Variants in CHD9 observed in about 807,000 individuals in gnomAD.
CHD9 encodes the protein chromodomain helicase DNA binding protein 9, also known as ATP-dependent chromatin remodeler CHD9.
CHD9 carries 77 observed loss-of-function variants against 316.1 expected under a neutral mutation model. The observed-to-expected ratio is 0.24, with a 90% CI of 0.20 to 0.29. The LOEUF is 0.29. Among genes scored for constraint, CHD9 ranks in the 10% least tolerant of loss-of-function variants. The pLI is 1.00. For synonymous variants in CHD9, 1,129 were observed against 1,158.3 expected, an observed-to-expected ratio of 0.97 and a Z score of 0.51; for missense variants, 2,763 against 3,438.1, an observed-to-expected ratio of 0.80 and a Z score of 4.91.
chr16:53,174,148 G>C (rs572324806), intron 2 of CHD9, among the ~76,000 whole-genome samples: 1 of 152,244 alleles, frequency 6.6e-6, no homozygotes, highest in African/African-American at 2.4e-5. Flanking sequence ...GCTGGGTTTG[G>C]TGGCATGCAC....
rs2053974134 is a variant in CHD9, at chr16:53,287,452, A to G, written c.5190-505A>G. Among the ~76,000 whole-genome samples the G allele has an allele frequency of 2.0e-5, 3 of 152,220 alleles. No homozygotes were observed. The South Asian group carries it at 6.2e-4, about 31-fold the overall frequency. ...CATTTAAAAGCGAACTCGCGGCTGG[A>G]TGCACTTGCTCACGCCTGTAATCCC... On this transcript the variant is annotated intron_variant, in intron 26 of 38. Transcript: ENST00000447540.
chr16:53,266,517 TC>T (rs2051712548), intron 20 of CHD9, among the ~76,000 whole-genome samples: 2 of 152,196 alleles, frequency 1.3e-5, no homozygotes, highest in African/African-American at 4.8e-5. Flanking sequence ...AAGAAGTCTT[TC>T]TAGTATCACT....
chr16:53,096,313 A>G (rs1445593359), intron 1 of CHD9, among the ~76,000 whole-genome samples: 1 of 152,152 alleles, frequency 6.6e-6, no homozygotes, highest in Admixed American at 6.5e-5. Flanking sequence ...TGGGTCGCCA[A>G]TACCCAACAC....
In CHD9 at chr16:53,326,447, G is replaced by T. The variant is rs2057544650; in HGVS notation, c.*1552G>T. 6.6e-6 allele frequency: 1 copy of T among 152,328 alleles called. No homozygotes were observed. Among genetic ancestry groups the T allele is most frequent in the Admixed American group, 6.6e-5 (1 of 15,234 alleles). The allele number at this position is 152,328 out of a possible 1,614,324, so 9.4% of individuals were successfully genotyped here. ...TGTCATGAGTTAGTCAATTGTATCAGGTTTTCCAAGACCTTTACCAGTAAA... is the reference window on the plus strand; with the variant it reads ...TGTCATGAGTTAGTCAATTGTATCATGTTTTCCAAGACCTTTACCAGTAAA... On this transcript the variant is annotated 3_prime_UTR_variant, in exon 39 of 39. Transcript: ENST00000447540.
intron 2 of CHD9, among the ~76,000 whole-genome samples, chr16:53,187,709 T>C (rs904118940): frequency 2.0e-5 from 3 of 152,052 alleles, no homozygotes; most frequent in African/African-American, 7.2e-5. Context: ...TTAAAAGATA[T>C]TGAGGAGGGG....
At chr16:53,098,660 G>C (rs1303571347) in intron 1 of CHD9, among the ~76,000 whole-genome samples, 1 of 152,080 alleles carries the variant, frequency 6.6e-6, no homozygotes, top group Non-Finnish European at 1.5e-5. Flanking sequence ...CAATCAACGC[G>C]AGGCAGGAGG....
At chr16:53,173,017 A>G (rs1179433995) in intron 2 of CHD9, among the ~76,000 whole-genome samples, 1 of 152,018 alleles carries the variant, frequency 6.6e-6, no homozygotes, top group Non-Finnish European at 1.5e-5. Context: ...CTAGTTCATT[A>G]CTTCTTTTTG....
At chr16:53,267,190 G>A (rs550707971) in intron 20 of CHD9, 104 bp from the exon 21 acceptor site, 5 of 663,072 alleles carry the variant, frequency 7.5e-6, no homozygotes, top group Admixed American at 7.5e-5. Context: ...GTTTCTTTTT[G>A]TCTGTGTTTC....
intron 8 of CHD9, 57 bp downstream of exon 8, chr16:53,229,157 A>G: frequency 1.2e-6 from 1 of 804,788 alleles, no homozygotes. Context: ...ATGTAGCATT[A>G]TTTATCAAAA....
In CHD9 at chr16:53,314,910, G is replaced by C. The variant is rs1399279884; in HGVS notation, c.7450G>C (p.Glu2484Gln). The change falls in exon 36 of 39, where the codon GAA (glutamate) becomes CAA (glutamine). Residue 2484 changes from glutamate to glutamine, a missense_variant. Around this residue, in one of 15 missense-constraint regions of CHD9, gnomAD observed 663 missense variants for 751.2 expected, o/e 0.88. Coordinates refer to ENST00000447540, the MANE Select transcript of CHD9 (RefSeq NM_001308319.2). ...TCAACCTCAAGGAATTCCTGATACA[G>C]AAAGTCCAGTTCCAGTTATTAATCT... ...YTQPQGIPDT[E>Q]SPVPVINLKD... 1 of 1,613,550 alleles carries C rather than the reference G, an allele frequency of 6.2e-7. No homozygotes were observed. The highest frequency in any genetic ancestry group is 1.3e-5 in the African/African-American group (1 of 74,880).
chr16:53,276,455 TCCACCCTCCAACTA>T (rs1448409986), intron 24 of CHD9, among the ~76,000 whole-genome samples: 2 of 152,148 alleles, frequency 1.3e-5, no homozygotes, highest in East Asian at 1.9e-4. Context: ...AAACCATCTT[TCCACCCTCCAACTA>T]CCACCCTCCA....
intron 2 of CHD9, among the ~76,000 whole-genome samples, chr16:53,169,715 T>C (rs1481493378): frequency 6.6e-6 from 1 of 152,164 alleles, no homozygotes; most frequent in Non-Finnish European, 1.5e-5. Flanking sequence ...CCCTTTAGAA[T>C]GGGAACATTC....
chr16:53,187,645 C>G (rs1006237794), intron 2 of CHD9, among the ~76,000 whole-genome samples: 6 of 152,176 alleles, frequency 3.9e-5, no homozygotes, highest in Middle Eastern at 3.4e-3. Context: ...TGTAATGTTC[C>G]TGAATTCATA....
chr16:53,267,173 G>T, intron 20 of CHD9, 121 bp from the exon 21 acceptor site: 1 of 585,246 alleles, frequency 1.7e-6, no homozygotes. Flanking sequence ...TGGTGAAATT[G>T]TTAGTTGTTT....
chr16:53,108,842 C>A (rs1188880869), intron 1 of CHD9, among the ~76,000 whole-genome samples: 1 of 151,114 alleles, frequency 6.6e-6, no homozygotes, highest in Non-Finnish European at 1.5e-5. Context: ...TCCATTGCAC[C>A]GAGATCGATC....
intron 1 of CHD9, among the ~76,000 whole-genome samples, chr16:53,142,112 T>G (rs776814460): frequency 3.9e-4 from 59 of 152,240 alleles, no homozygotes; most frequent in South Asian, 6.2e-4. Context: ...CATTTTTAAT[T>G]TTTTAAATGA....
At chr16:53,289,661 T>C (rs1373982655) in intron 27 of CHD9, among the ~76,000 whole-genome samples, 1 of 152,000 alleles carries the variant, frequency 6.6e-6, no homozygotes, top group Non-Finnish European at 1.5e-5. Context: ...TAGTAAAAAA[T>C]AAAGACTACA....
chr16:53,268,322 G>A (rs894376186), intron 22 of CHD9, among the ~76,000 whole-genome samples, 196 bp downstream of exon 22: 10 of 152,096 alleles, frequency 6.6e-5, no homozygotes, highest in Admixed American at 2.0e-4. Flanking sequence ...TATCAAATAC[G>A]TATCTGTTTG....
intron 15 of CHD9, among the ~76,000 whole-genome samples, chr16:53,246,435 A>G (rs73599663): frequency 0.032 from 4,934 of 152,278 alleles, 100 homozygotes; most frequent in Middle Eastern, 0.071. Context: ...CGAAGGAAGT[A>G]TGCATCAAGC....
Sources: allele counts gnomAD v4.1 joint callset (sites outside exome capture counted in the v4.1 genomes callset), GRCh38; gene constraint gnomAD v4.1.1; regional missense constraint gnomAD v4.1.1; transcripts MANE v1.5; gene names NCBI Gene and HGNC (gene_info 2026-07-23, HGNC 2026-07-21).